TARS2: variants seen among roughly 807,000 people sequenced by gnomAD.
TARS2 encodes threonine--tRNA ligase, mitochondrial.
In TARS2, 61 loss-of-function variants were observed where a neutral mutation model predicts 94.4. The observed-to-expected ratio is 0.65, with a 90% CI of 0.53 to 0.80. The LOEUF (loss-of-function observed/expected upper bound fraction) is 0.80. Among genes scored for constraint, TARS2 ranks in the 30% least tolerant of loss-of-function variants. The pLI, the probability that TARS2 is intolerant of heterozygous loss-of-function variation, is 0.00. For synonymous variants in TARS2, 359 were observed against 353.4 expected, an observed-to-expected ratio of 1.02 and a Z score of -0.18; for missense variants, 704 against 902.5, an observed-to-expected ratio of 0.78 and a Z score of 2.82.
intron 13 of TARS2, among the ~76,000 whole-genome samples, chr1:150,502,257 T>G (rs1669957803): frequency 6.6e-6 from 1 of 151,350 alleles, no homozygotes; most frequent in Admixed American, 6.6e-5. Context: ...AGACTCTTGC[T>G]CTGTTGCCAG....
intron 7 of TARS2, among the ~76,000 whole-genome samples, chr1:150,495,570 A>G (rs1669626436): frequency 1.3e-5 from 2 of 148,734 alleles, no homozygotes; most frequent in African/African-American, 5.0e-5. Context: ...TAATTTTTGT[A>G]TTTTTAGTAC....
rs746637160 is a variant in TARS2, at chr1:150,490,693, C to T, written c.480C>T (p.Gly160=). The change falls in exon 4 of 18, where the codon GGC becomes GGT. Residue 160 remains glycine (G), a synonymous_variant. Transcript: ENST00000369064. The part of the protein sequence containing the change: ...VLCRGPSTEY[G]FYHDFFLGKE... ...GCAGAGGTCCAAGTACAGAATATGG[C>T]TTTTACCATGATTTCTTCCTGGGAA... 3 of 1,613,752 alleles carry T rather than the reference C, an allele frequency of 1.9e-6. No homozygotes were observed. The highest frequency in any genetic ancestry group is 1.7e-5 in the Admixed American group (1 of 59,972).
rs1669269880 is a variant in TARS2, at chr1:150,489,078, G to A, written c.378G>A (p.Glu126=). ...DLRFLTFDSP[E]GKAVFWHSST... is the part of the protein sequence containing the mutation. ...GATTTCTGACATTCGATTCCCCAGA[G>A]GGGAAAGCAGTAAGTTTCTTTCTTA... Residue 126 remains glutamate, a synonymous_variant, in exon 3 of 18, where the codon GAG becomes GAA. Transcript: ENST00000369064. 6.2e-6 allele frequency: 10 copies of A among 1,614,000 alleles called. No individual in the cohort carries two copies. The highest frequency in any genetic ancestry group is 8.5e-6 in the Non-Finnish European group (10 of 1,180,004).
At chr1:150,494,699 C>T (rs970047785) in intron 7 of TARS2, among the ~76,000 whole-genome samples, 61 of 151,836 alleles carry the variant, frequency 4.0e-4, no homozygotes, top group African/African-American at 1.4e-3. Context: ...GATTGCACCA[C>T]TGCACTCCAG....
chr1:150,496,090 A>T (rs1340904754), intron 7 of TARS2, among the ~76,000 whole-genome samples: 1 of 152,176 alleles, frequency 6.6e-6, no homozygotes, highest in Non-Finnish European at 1.5e-5. Context: ...GGGATATGGT[A>T]TAGAAGACTG....
chr1:150,487,806 T>C, intron 1 of TARS2, 52 bp from the exon 2 acceptor site: 1 of 1,579,964 alleles, frequency 6.3e-7, no homozygotes, highest in South Asian at 1.1e-5. Context: ...TCTGCAATTC[T>C]AAGAAAGAAT....
chr1:150,502,855 A>G (rs1347863007), intron 13 of TARS2, among the ~76,000 whole-genome samples: 1 of 152,236 alleles, frequency 6.6e-6, no homozygotes, highest in African/African-American at 2.4e-5. Context: ...AACAGTAATG[A>G]AAGTGTGTCT....
chr1:150,489,713 G>A (rs1669299323), intron 3 of TARS2, among the ~76,000 whole-genome samples: 4 of 152,174 alleles, frequency 2.6e-5, no homozygotes, highest in African/African-American at 9.7e-5. Context: ...GGCCGAGGCA[G>A]GTGGATCATC....
chr1:150,503,585 A>ATATATATGTG lies in TARS2; in HGVS notation c.1618-749_1618-748insATATATGTGT, dbSNP rs1461714331. ...TGTGTGTGTGTGTGTGTGTATATAT[A>ATATATATGTG]TGTGTGTGTGTGTGTGTATGTGTGT... is the stretch of plus-strand genomic sequence containing the variant. On this transcript the variant is annotated intron_variant, in intron 13 of 17. Transcript: ENST00000369064. Among the ~76,000 whole-genome samples, 72 of 137,172 alleles carry ATATATATGTG rather than the reference A, an allele frequency of 5.2e-4. 1 individual carries two copies. The highest frequency in any genetic ancestry group is 7.2e-3 in the Middle Eastern group (2 of 276). 90.0% of individuals were successfully genotyped at this position (137,172 alleles called of 152,430 possible).
chr1:150,492,472 G>C lies in TARS2; in HGVS notation c.757G>C (p.Gly253Arg). 1 of 1,613,842 alleles carries C rather than the reference G, an allele frequency of 6.2e-7. No homozygotes were observed. The change falls in exon 7 of 18, where the codon GGA becomes CGA. Residue 253 changes from glycine to arginine, a missense_variant. Transcript: ENST00000369064. ...PHLRHTGQIGGLKLLSNSSSL... is the reference protein window; with the variant it reads ...PHLRHTGQIGRLKLLSNSSSL... ...CCTTCGGCATACTGGACAGATTGGAGGACTGAAGCTGCTATCGGTCAGTTG... is the reference window on the plus strand; with the variant it reads ...CCTTCGGCATACTGGACAGATTGGACGACTGAAGCTGCTATCGGTCAGTTG...
intron 13 of TARS2, among the ~76,000 whole-genome samples, chr1:150,500,673 G>C (rs751620510): frequency 3.3e-5 from 5 of 151,932 alleles, no homozygotes; most frequent in Non-Finnish European, 7.4e-5. Context: ...GATCACCTGA[G>C]GTCAGGGGTT....
At chr1:150,491,904 C>T in intron 6 of TARS2, 1 of 455,426 alleles carries the variant, frequency 2.2e-6, no homozygotes, top group Non-Finnish European at 4.0e-6. Context: ...AAGTGATTCT[C>T]CTGCCTTAGC....
At chr1:150,500,958 C>G (rs1669885722) in intron 13 of TARS2, among the ~76,000 whole-genome samples, 1 of 152,086 alleles carries the variant, frequency 6.6e-6, no homozygotes, top group Non-Finnish European at 1.5e-5. Context: ...TAGAAGGGAT[C>G]ACCATTGCCA....
intron 17 of TARS2, among the ~76,000 whole-genome samples, chr1:150,506,430 C>T (rs909023278): frequency 5.9e-5 from 9 of 151,466 alleles, no homozygotes; most frequent in Non-Finnish European, 1.0e-4. Context: ...AGTGTGAAGG[C>T]CACACCACTC....
At chr1:150,505,411 G>A (rs914016155) in intron 16 of TARS2, among the ~76,000 whole-genome samples, 180 bp from the exon 17 acceptor site, 2 of 152,142 alleles carry the variant, frequency 1.3e-5, no homozygotes, top group African/African-American at 4.8e-5. Flanking sequence ...GGTTGGGGAT[G>A]AATGGGGAGG....
At chr1:150,492,334 A>G in intron 6 of TARS2, 77 bp from the exon 7 acceptor site, 1 of 1,443,738 alleles carries the variant, frequency 6.9e-7, no homozygotes, top group African/African-American at 1.4e-5. Flanking sequence ...CTCTTCTGTC[A>G]GCTAAAGACC....
At chr1:150,489,570 C>T (rs779866896) in intron 3 of TARS2, among the ~76,000 whole-genome samples, 18 of 152,078 alleles carry the variant, frequency 1.2e-4, no homozygotes, top group African/African-American at 2.7e-4. Flanking sequence ...AGGAATATAT[C>T]GCACTAGATT....
chr1:150,506,456 T>G (rs1237085200), intron 17 of TARS2, among the ~76,000 whole-genome samples: 2 of 147,862 alleles, frequency 1.4e-5, no homozygotes, highest in African/African-American at 5.0e-5. Context: ...ACCTTCCACT[T>G]GCTCTAATAC....
chr1:150,492,860 C>T (rs180923841), intron 7 of TARS2, among the ~76,000 whole-genome samples: 5 of 147,276 alleles, frequency 3.4e-5, no homozygotes, highest in East Asian at 2.0e-4. Context: ...GCAGGAGAAT[C>T]GGAAGGTGAT....
Sources: gnomAD v4.1 joint callset for allele counts (sites outside exome capture counted in the v4.1 genomes callset) on GRCh38, gnomAD v4.1.1 for gene constraint, MANE v1.5 for transcripts, NCBI Gene and HGNC (gene_info 2026-07-23, HGNC 2026-07-21) for gene names.